Variants in SMAD7 observed in about 807,000 individuals in gnomAD.
SMAD7 encodes MAD (mothers against decapentaplegic, Drosophila) homolog 7.
Under a neutral mutation model 38.7 loss-of-function variants are expected in SMAD7, and 8 were observed. The observed-to-expected ratio is 0.21, with a 90% CI of 0.12 to 0.37. The LOEUF is 0.37. SMAD7 is among the 10% of genes least tolerant of loss of function. SMAD7 has a pLI of 1.00. For missense variants in SMAD7, 477 were observed against 577.9 expected (o/e 0.83, Z 1.79); for synonymous variants, 327 against 265.1 (o/e 1.23, Z -2.27).
At chr18:48,927,423 C>T (rs992888435) in intron 3 of SMAD7, among the ~76,000 whole-genome samples, 2 of 152,066 alleles carry the variant, frequency 1.3e-5, no homozygotes, top group Non-Finnish European at 2.9e-5. Flanking sequence ...CTCTCTGGTT[C>T]CCGGGCCCAG....
chr18:48,921,947 A>G lies in SMAD7; in HGVS notation c.743-37T>C. Reference sequence around the variant, plus strand: ...ATTGGCAGAGAGGGTTAGTGGGGACAGGCATTGGTGACTCCTAGAATGAAG... The same window carrying G: ...ATTGGCAGAGAGGGTTAGTGGGGACGGGCATTGGTGACTCCTAGAATGAAG... On this transcript the variant is annotated intron_variant, in intron 3 of 3. Coordinates refer to ENST00000262158, the MANE Select transcript of SMAD7 (RefSeq NM_005904.4). This position sits in a 1 kb window ranked among gnomAD's most constrained non-coding sequence, Gnocchi z 6.4. 1 of 1,530,228 alleles carries G rather than the reference A, an allele frequency of 6.5e-7. No individual in the cohort carries two copies. Among genetic ancestry groups the G allele is most frequent in the Non-Finnish European group, 8.8e-7 (1 of 1,137,948 alleles). The allele number at this position is 1,530,228 out of a possible 1,614,324, so 94.8% of individuals were successfully genotyped here. A position where few individuals can be genotyped will look rare whatever the true frequency, so the allele number is the denominator to read the frequency against.
At chr18:48,948,359 G>T in intron 2 of SMAD7, 25 bp downstream of exon 2, 4 of 1,526,060 alleles carry the variant, frequency 2.6e-6, no homozygotes, top group Non-Finnish European at 3.6e-6. Flanking sequence ...AGATAAGCAG[G>T]ATATTTTAAA....
intron 2 of SMAD7, among the ~76,000 whole-genome samples, chr18:48,944,979 C>T (rs1051601448): frequency 1.3e-5 from 2 of 152,154 alleles, no homozygotes; most frequent in South Asian, 2.1e-4. Flanking sequence ...AGCCAAGGAG[C>T]GAACTATTGA....
chr18:48,947,528 AAACCAAGGTTACATAC>A (rs907352176), intron 2 of SMAD7, among the ~76,000 whole-genome samples: 1 of 152,210 alleles, frequency 6.6e-6, no homozygotes, highest in Non-Finnish European at 1.5e-5. Flanking sequence ...ACAGGCACAA[AAACCAAGGTTACATAC>A]AACCTGTACT....
rs1405257878 is a variant in SMAD7 at position 48,944,944 on chromosome 18, CT to C, written c.668-2390del. On this transcript the variant is annotated intron_variant, in intron 2 of 3. Coordinates refer to ENST00000262158, the MANE Select transcript of SMAD7 (RefSeq NM_005904.4). Reference sequence around the variant, plus strand: ...TTTCTCCGAGCAGCTCCAACAGAGTCTTTGAAAACCCAACCCTGGGGAGCAG... The same window carrying C: ...TTTCTCCGAGCAGCTCCAACAGAGTCTTGAAAACCCAACCCTGGGGAGCAG... Among the ~76,000 whole-genome samples, 4 of 151,192 alleles carry C rather than the reference CT, an allele frequency of 2.6e-5. No individual in the cohort carries two copies. The Admixed American group carries it at 2.6e-4, about 10-fold the overall frequency.
chr18:48,950,439 C>A lies in SMAD7; in HGVS notation c.-15G>T, dbSNP rs1329209443. On this transcript the variant is annotated 5_prime_UTR_variant, in exon 1 of 4. Transcript: ENST00000262158. ...GTCCTGAACATGCGGGGCGAGGAGG[C>A]GAGGAGAAAAGTCGTTTGCCTGCTA... 2.6e-6 allele frequency: 4 copies of A among 1,543,250 alleles called. No homozygotes were observed. The highest frequency in any genetic ancestry group is 3.5e-6 in the Non-Finnish European group (4 of 1,147,038).
chr18:48,947,131 G>A (rs2070203465), intron 2 of SMAD7, among the ~76,000 whole-genome samples: 1 of 152,214 alleles, frequency 6.6e-6, no homozygotes, highest in Non-Finnish European at 1.5e-5. Flanking sequence ...AATACAGAGA[G>A]CTGGGTATCT....
chr18:48,948,854 C>G (rs1484716064), intron 1 of SMAD7, among the ~76,000 whole-genome samples: 1 of 152,274 alleles, frequency 6.6e-6, no homozygotes, highest in African/African-American at 2.4e-5. Flanking sequence ...CCGGTCCGCT[C>G]GGCACTCGCG....
At chr18:48,941,871 C>T (rs774442840) in intron 3 of SMAD7, among the ~76,000 whole-genome samples, 2 of 152,204 alleles carry the variant, frequency 1.3e-5, no homozygotes, top group African/African-American at 2.4e-5. Context: ...TCACGCATAC[C>T]TGTGAGCCCT....
chr18:48,946,985 C>CA (rs953661589), intron 2 of SMAD7, among the ~76,000 whole-genome samples: 49 of 151,062 alleles, frequency 3.2e-4, no homozygotes, highest in Middle Eastern at 6.8e-3. Context: ...TATGGAAGGA[C>CA]AAAAAAAACA....
chr18:48,931,289 T>C (rs2069997249), intron 3 of SMAD7, among the ~76,000 whole-genome samples: 6 of 152,150 alleles, frequency 3.9e-5, no homozygotes, highest in Admixed American at 3.9e-4. Flanking sequence ...AACTATACAC[T>C]TAAAAATTGT....
chr18:48,942,730 A>G, intron 2 of SMAD7, 175 bp from the exon 3 acceptor site: 1 of 1,486,518 alleles, frequency 6.7e-7, no homozygotes, highest in East Asian at 2.6e-5. Context: ...CCATCGTAAG[A>G]CAGACCACAG....
At chr18:48,923,592 G>T (rs1485173364) in intron 3 of SMAD7, among the ~76,000 whole-genome samples, 1 of 152,186 alleles carries the variant, frequency 6.6e-6, no homozygotes, top group Admixed American at 6.5e-5. Context: ...CACACCCAGA[G>T]CAGCGGTTCC....
chr18:48,948,760 C>T (rs1298721685), intron 1 of SMAD7, among the ~76,000 whole-genome samples: 2 of 152,268 alleles, frequency 1.3e-5, no homozygotes. Context: ...CCCTCCCCGT[C>T]CTCGGACTCC....
rs1258477732 is a variant in SMAD7, at chr18:48,921,336, C to T, written c.*36G>A. 6.4e-7 allele frequency: 1 copy of T among 1,562,602 alleles called. No homozygotes were observed. Among genetic ancestry groups the T allele is most frequent in the East Asian group, 2.3e-5 (1 of 44,090 alleles). ...AGCAGCAAAGTAGTTTGAAGTGTGG[C>T]CTGCTCAGCTCACGCTCTGTCCCCT... is the stretch of plus-strand genomic sequence containing the variant. On this transcript the variant is annotated 3_prime_UTR_variant, in exon 4 of 4. Coordinates refer to ENST00000262158, the MANE Select transcript of SMAD7 (RefSeq NM_005904.4). The surrounding 1 kb of genome is among the most constrained non-coding windows in gnomAD (Gnocchi z 6.4).
rs956134333 is a variant in SMAD7, at chr18:48,950,637, G to A, written c.-213C>T. The A allele has an allele frequency of 1.7e-5, 3 of 177,868 alleles. No homozygotes were observed. The highest frequency in any genetic ancestry group is 7.2e-5 in the African/African-American group (3 of 41,628). The allele number at this position is 177,868 out of a possible 1,614,324, so 11.0% of individuals were successfully genotyped here. A position where few individuals can be genotyped will look rare whatever the true frequency, so the allele number is the denominator to read the frequency against. On this transcript the variant is annotated 5_prime_UTR_variant, in exon 1 of 4. Transcript: ENST00000262158. ...GCCGGGGCGCGCGCGGGGGCCCGGG[G>A]GCGCCCGCCGGGGATCGGGGGCCTG...
In SMAD7 at chr18:48,943,311, C is replaced by T. The variant is rs562901134; in HGVS notation, c.668-756G>A. ...TATAAAACATTTGGCACCCAACACT[C>T]GGAGTTTCCTCACTGATTTTTACCT... On this transcript the variant is annotated intron_variant, in intron 2 of 3. Transcript: ENST00000262158. 1.4e-4 allele frequency among the ~76,000 whole-genome samples: 21 copies of T among 152,298 alleles called. No homozygotes were observed. The South Asian group carries it at 3.9e-3, about 29-fold the overall frequency.
intron 3 of SMAD7, among the ~76,000 whole-genome samples, chr18:48,937,264 ATGTGTGTGTGTGTGTG>A (rs71165354): frequency 1.4e-4 from 17 of 119,776 alleles, no homozygotes; most frequent in Admixed American, 3.3e-4. Flanking sequence ...AAGTAAAGGC[ATGTGTGTGTGTGTGTG>A]TGTGTGTGTG....
intron 3 of SMAD7, among the ~76,000 whole-genome samples, chr18:48,924,892 A>C (rs969260591): frequency 6.6e-6 from 1 of 152,188 alleles, no homozygotes; most frequent in Non-Finnish European, 1.5e-5. Flanking sequence ...GGGACCCCGC[A>C]CGACATCCCC....
Sources: allele counts gnomAD v4.1 joint callset (sites outside exome capture counted in the v4.1 genomes callset), GRCh38; gene constraint gnomAD v4.1.1; non-coding constraint Gnocchi (gnomAD v3.1); transcripts MANE v1.5; gene names NCBI Gene and HGNC (gene_info 2026-07-23, HGNC 2026-07-21).